SRFBP1: variants seen among roughly 807,000 people sequenced by gnomAD.
SRFBP1 encodes serum response factor-binding protein 1.
Under a neutral mutation model 45.5 loss-of-function variants are expected in SRFBP1, and 47 were observed. That is an observed-to-expected ratio of 1.03 (90% CI 0.82 to 1.32). SRFBP1 has a LOEUF of 1.32. Among genes scored for constraint, SRFBP1 ranks in the 40% most tolerant of loss-of-function variants. The pLI is 0.00. For missense variants in SRFBP1, 621 were observed against 484.6 expected (o/e 1.28, Z -2.64); for synonymous variants, 203 against 166.3 (o/e 1.22, Z -1.70).
rs1752913477 is a variant in SRFBP1, at chr5:122,003,371, G to A, written c.270+8701G>A. On this transcript the variant is annotated intron_variant, in intron 4 of 7. Transcript: ENST00000339397. ...GAAAAAAAAAAAAAAAATGAAAAATGTTATCCCTAAAATGGTTTTAAATGT... is the reference window on the plus strand; with the variant it reads ...GAAAAAAAAAAAAAAAATGAAAAATATTATCCCTAAAATGGTTTTAAATGT... Among the ~76,000 whole-genome samples, 4 of 151,180 alleles carry A rather than the reference G, an allele frequency of 2.6e-5. No individual in the cohort carries two copies. The South Asian group carries it at 8.3e-4, about 32-fold the overall frequency.
Position 122,055,941 on chromosome 5 carries a change from T to C in SRFBP1, n.312-19374T>C, listed in dbSNP as rs1342685797. Among the ~76,000 whole-genome samples, 5 of 152,082 alleles carry C rather than the reference T, an allele frequency of 3.3e-5. No individual in the cohort carries two copies. The East Asian group carries it at 9.6e-4, about 29-fold the overall frequency. On this transcript the variant is annotated intron_variant and non_coding_transcript_variant, in intron 2 of 2. Transcript: ENST00000504881. The stretch of plus-strand genomic sequence containing the variant: ...TTCCTGTTTGGTCAAGGAGTAAGAG[T>C]TTTGTTTTGTTTATGCCTTCATCTT...
intron 2 of SRFBP1, among the ~76,000 whole-genome samples, chr5:122,060,744 C>G (rs1561412311): frequency 1.3e-5 from 2 of 152,046 alleles, no homozygotes; most frequent in African/African-American, 4.8e-5. Flanking sequence ...AGTTGATTCA[C>G]AAAGAAACAG....
chr5:122,020,761 A>G lies in SRFBP1; in HGVS notation c.1026A>G (p.Ser342=). The G allele has an allele frequency of 1.3e-6, 2 of 1,597,818 alleles. No individual in the cohort carries two copies. The highest frequency in any genetic ancestry group is 1.7e-6 in the Non-Finnish European group (2 of 1,174,924). ...KPSTETRKLE[S]VFFHSLSGSK... The stretch of plus-strand genomic sequence containing the variant: ...GTACAGAAACCAGAAAGTTAGAATC[A>G]GTGTTTTTCCACTCTTTATCTGGAT... Residue 342 remains serine, a synonymous_variant, in exon 6 of 8, where the codon TCA becomes TCG. Coordinates refer to ENST00000339397, the MANE Select transcript of SRFBP1 (RefSeq NM_152546.3).
At chr5:122,070,604 A>C in intron 2 of SRFBP1, 1 of 1,449,334 alleles carries the variant, frequency 6.9e-7, no homozygotes, top group Non-Finnish European at 9.6e-7. Context: ...GATAAACAAA[A>C]TAAAAAATTT....
chr5:121,994,509 T>A, intron 3 of SRFBP1, 90 bp from the exon 4 acceptor site: 1 of 772,946 alleles, frequency 1.3e-6, no homozygotes, highest in Non-Finnish European at 2.1e-6. Flanking sequence ...TGTTATTTAA[T>A]ATTAAGTTTC....
intron 4 of SRFBP1, among the ~76,000 whole-genome samples, chr5:122,014,960 A>T (rs1753167539): frequency 6.6e-6 from 1 of 152,236 alleles, no homozygotes; most frequent in Non-Finnish European, 1.5e-5. Flanking sequence ...CATTTTAATC[A>T]AAATCTGGTT....
Position 121,962,171 on chromosome 5 carries a change from C to A in SRFBP1, c.36+103C>A, listed in dbSNP as rs1031154049. 4 of 1,445,032 alleles carry A rather than the reference C, an allele frequency of 2.8e-6. No homozygotes were observed. In the Admixed American group the frequency reaches 7.1e-5, roughly 25 times the overall value. The allele number at this position is 1,445,032 out of a possible 1,614,324, so 89.5% of individuals were successfully genotyped here. A position where few individuals can be genotyped will look rare whatever the true frequency, so the allele number is the denominator to read the frequency against. ...GGCATAGAGGGTGCGGTTGGAGGAA[C>A]TTTCGTGGTGGGCCCAGGCGGGTTT... On this transcript the variant is annotated intron_variant, in intron 1 of 7. Transcript: ENST00000339397.
intron 4 of SRFBP1, among the ~76,000 whole-genome samples, chr5:121,997,843 A>C (rs1752763637): frequency 1.3e-5 from 2 of 151,158 alleles, no homozygotes; most frequent in South Asian, 4.2e-4. Context: ...ACCCCATCAA[A>C]AAGTGGGCGA....
intron 3 of SRFBP1, among the ~76,000 whole-genome samples, chr5:121,982,133 C>T (rs1752421624): frequency 6.6e-6 from 1 of 151,914 alleles, no homozygotes; most frequent in Non-Finnish European, 1.5e-5. Flanking sequence ...TCATTTTATA[C>T]AGTCACCTTA....
chr5:121,973,875 G>A (rs1437085112), intron 1 of SRFBP1, among the ~76,000 whole-genome samples: 1 of 151,850 alleles, frequency 6.6e-6, no homozygotes, highest in East Asian at 1.9e-4. Context: ...GACAGGCTGT[G>A]ATTTCAGGGA....
chr5:122,002,970 C>T (rs1276976662), intron 4 of SRFBP1, among the ~76,000 whole-genome samples: 1 of 152,118 alleles, frequency 6.6e-6, no homozygotes, highest in Non-Finnish European at 1.5e-5. Context: ...GCTAGAAAAG[C>T]TGTCTTTGTC....
chr5:122,037,058 C>A (rs1031707406), intron 2 of SRFBP1, among the ~76,000 whole-genome samples: 16 of 152,108 alleles, frequency 1.1e-4, no homozygotes, highest in Non-Finnish European at 1.8e-4. Context: ...ACCACCATGC[C>A]TGGCTAATTT....
At position 122,001,707 on chromosome 5, in the gene SRFBP1, G is replaced by A. The variant is rs1444502040; in HGVS notation, c.270+7037G>A. Among the ~76,000 whole-genome samples, 10 of 151,804 alleles carry A rather than the reference G, an allele frequency of 6.6e-5. No homozygotes were observed. In the East Asian group the frequency reaches 1.6e-3, roughly 24 times the overall value. ...CTCCCGAGTAGCTGGGACTACAGGC[G>A]CCCGCCACCGTGCCCGGCTAATTTT... On this transcript the variant is annotated intron_variant, in intron 4 of 7. Coordinates refer to ENST00000339397, the MANE Select transcript of SRFBP1 (RefSeq NM_152546.3).
In SRFBP1 at chr5:122,027,685, A is replaced by G. The variant is rs1753513367; in HGVS notation, c.*559A>G. ...CTATTTAAACCAGATCACCCTTGTT[A>G]AAAATCATTCTTGTTAGCAAACTAA... On this transcript the variant is annotated 3_prime_UTR_variant, in exon 8 of 8. Transcript: ENST00000339397. 6.6e-6 allele frequency: 1 copy of G among 152,142 alleles called. No individual in the cohort carries two copies. The highest frequency in any genetic ancestry group is 2.1e-4 in the South Asian group (1 of 4,832). 9.4% of individuals were successfully genotyped at this position (152,142 alleles called of 1,614,324 possible).
intron 2 of SRFBP1, among the ~76,000 whole-genome samples, chr5:122,053,177 G>T (rs1227254823): frequency 6.6e-6 from 1 of 152,054 alleles, no homozygotes. Context: ...ACAGGGTTGC[G>T]CCTGGTCACA....
intron 4 of SRFBP1, among the ~76,000 whole-genome samples, chr5:121,999,561 C>G (rs572456205): frequency 6.6e-6 from 1 of 152,084 alleles, no homozygotes; most frequent in Non-Finnish European, 1.5e-5. Flanking sequence ...CTATGAATGT[C>G]AGTTTGCCTA....
chr5:122,054,390 C>T (rs1754041796), intron 2 of SRFBP1, among the ~76,000 whole-genome samples: 1 of 152,222 alleles, frequency 6.6e-6, no homozygotes, highest in Non-Finnish European at 1.5e-5. Flanking sequence ...TCGCTCTTCT[C>T]TGCTGTTTGT....
intron 3 of SRFBP1, among the ~76,000 whole-genome samples, chr5:121,978,534 C>T (rs1472282092): frequency 6.6e-6 from 1 of 151,992 alleles, no homozygotes; most frequent in Non-Finnish European, 1.5e-5. Context: ...CTCTGTCGCC[C>T]ATGCTGGAGT....
intron 4 of SRFBP1, among the ~76,000 whole-genome samples, chr5:122,015,251 C>A (rs1047368826): frequency 6.6e-6 from 1 of 152,110 alleles, no homozygotes; most frequent in African/African-American, 2.4e-5. Context: ...TCATTGGATA[C>A]CAAATTGTTT....
Sources: gnomAD v4.1 joint callset for allele counts (sites outside exome capture counted in the v4.1 genomes callset) on GRCh38, gnomAD v4.1.1 for gene constraint, MANE v1.5 for transcripts, NCBI Gene and HGNC (gene_info 2026-07-23, HGNC 2026-07-21) for gene names.